SOS2: variants seen among roughly 807,000 people sequenced by gnomAD.
SOS2 encodes SOS Ras/Rho guanine nucleotide exchange factor 2.
In SOS2, 65 loss-of-function variants were observed where a neutral mutation model predicts 148.2. The ratio of observed to expected loss-of-function variants is 0.44; its 90% CI spans 0.36 to 0.54. The LOEUF (loss-of-function observed/expected upper bound fraction) is 0.54, where lower values mean the gene tolerates loss of function less well. Among genes scored for constraint, SOS2 ranks in the 20% least tolerant of loss-of-function variants. SOS2 has a pLI of 0.00. For missense variants in SOS2, 1,341 were observed against 1,590.2 expected, an observed-to-expected ratio of 0.84 and a Z score of 2.67; for synonymous variants, 539 against 537.1, an observed-to-expected ratio of 1.00 and a Z score of -0.05.
intron 8 of SOS2, among the ~76,000 whole-genome samples, chr14:50,162,898 T>C (rs1391564607): frequency 5.6e-5 from 2 of 35,552 alleles, no homozygotes; most frequent in Non-Finnish European, 1.6e-4. Context: ...AATGTTTTGA[T>C]TTTTTTTTTT....
intron 6 of SOS2, 40 bp from the exon 7 acceptor site, chr14:50,180,722 A>T (rs1885706231): frequency 8.6e-7 from 1 of 1,164,396 alleles, no homozygotes; most frequent in Admixed American, 2.1e-5. Context: ...GGTTTAAAAG[A>T]ATATATTTTC....
At chr14:50,215,869 T>C (rs1197789005) in intron 1 of SOS2, among the ~76,000 whole-genome samples, 1 of 152,254 alleles carries the variant, frequency 6.6e-6, no homozygotes, top group African/African-American at 2.4e-5. Flanking sequence ...TTTTCAGTTT[T>C]CCATCTTCAC....
intron 4 of SOS2, among the ~76,000 whole-genome samples, chr14:50,194,366 GA>G (rs1886249991): frequency 1.3e-5 from 2 of 151,410 alleles, no homozygotes; most frequent in Admixed American, 1.3e-4. Context: ...TAAAAGGCAG[GA>G]ATGAAGAAAA....
chr14:50,142,731 TTGTTTCC>T (rs1340097460), intron 16 of SOS2, among the ~76,000 whole-genome samples: 1 of 152,208 alleles, frequency 6.6e-6, no homozygotes, highest in African/African-American at 2.4e-5. Flanking sequence ...GACATTCAGG[TTGTTTCC>T]TGTTTTCTGC....
intron 19 of SOS2, among the ~76,000 whole-genome samples, chr14:50,133,034 A>C (rs557639361): frequency 3.9e-5 from 6 of 152,080 alleles, no homozygotes; most frequent in Non-Finnish European, 8.8e-5. Context: ...AATAATGTAA[A>C]AGAGACTGCA....
chr14:50,122,096 A>G (rs1039322492), intron 21 of SOS2, among the ~76,000 whole-genome samples: 1 of 152,186 alleles, frequency 6.6e-6, no homozygotes, highest in Non-Finnish European at 1.5e-5. Context: ...CAATCAGAGT[A>G]ATCCCATTCC....
chr14:50,127,093 T>G (rs1216720361), intron 21 of SOS2, among the ~76,000 whole-genome samples: 1 of 151,776 alleles, frequency 6.6e-6, no homozygotes, highest in East Asian at 1.9e-4. Flanking sequence ...AATGGCTACC[T>G]AGTTAGAGAC....
At chr14:50,164,401 T>C (rs1322166713) in intron 8 of SOS2, among the ~76,000 whole-genome samples, 2 of 151,710 alleles carry the variant, frequency 1.3e-5, no homozygotes, top group African/African-American at 4.8e-5. Context: ...GATTGTGCCA[T>C]TACACTCCAG....
At chr14:50,125,981 T>G (rs1418873787) in intron 21 of SOS2, among the ~76,000 whole-genome samples, 2 of 152,226 alleles carry the variant, frequency 1.3e-5, no homozygotes, top group African/African-American at 2.4e-5. Context: ...GCCTACAGAT[T>G]CTAACATTTG....
chr14:50,219,452 T>TA, intron 1 of SOS2, among the ~76,000 whole-genome samples: 1 of 152,288 alleles, frequency 6.6e-6, no homozygotes, highest in East Asian at 1.9e-4. Context: ...CTATCAGTAT[T>TA]AATATAAAAC....
intron 5 of SOS2, among the ~76,000 whole-genome samples, chr14:50,183,357 G>A (rs1183533786): frequency 2.0e-5 from 3 of 151,070 alleles, no homozygotes; most frequent in Non-Finnish European, 2.9e-5. Flanking sequence ...AGAGGTCAAC[G>A]TACTTTGGAA....
chr14:50,196,660 A>G (rs1161056486), intron 4 of SOS2, among the ~76,000 whole-genome samples: 1 of 152,250 alleles, frequency 6.6e-6, no homozygotes, highest in Non-Finnish European at 1.5e-5. Context: ...TTGAGGTAAT[A>G]AATGTTAATC....
chr14:50,231,098 C>T, intron 1 of SOS2, 99 bp downstream of exon 1: 1 of 695,556 alleles, frequency 1.4e-6, no homozygotes, highest in Non-Finnish European at 2.0e-6. Context: ...AACGGCTCGG[C>T]CCCGGGGACT....
At chr14:50,200,910 G>C in intron 3 of SOS2, 43 bp downstream of exon 3, 1 of 1,578,164 alleles carries the variant, frequency 6.3e-7, no homozygotes, top group Admixed American at 1.7e-5. Flanking sequence ...AATATTACTT[G>C]TTATAAAGAA....
intron 16 of SOS2, among the ~76,000 whole-genome samples, 178 bp downstream of exon 16, chr14:50,144,992 A>G (rs1289934173): frequency 2.0e-5 from 3 of 151,996 alleles, no homozygotes; most frequent in Non-Finnish European, 4.4e-5. Context: ...CATATTATAT[A>G]TCATATTCAT....
intron 1 of SOS2, among the ~76,000 whole-genome samples, chr14:50,221,857 G>C (rs1887213743): frequency 6.6e-6 from 1 of 151,758 alleles, no homozygotes; most frequent in Non-Finnish European, 1.5e-5. Flanking sequence ...TAATAATTCA[G>C]TTCAAAAGAC....
intron 18 of SOS2, among the ~76,000 whole-genome samples, chr14:50,137,514 T>C (rs2139545002): frequency 6.6e-6 from 1 of 152,338 alleles, no homozygotes; most frequent in East Asian, 1.9e-4. Context: ...AAGTACTTAG[T>C]AACAATATTA....
chr14:50,140,758 T>C (rs1328536147), intron 16 of SOS2, among the ~76,000 whole-genome samples: 2 of 152,154 alleles, frequency 1.3e-5, no homozygotes, highest in Non-Finnish European at 2.9e-5. Flanking sequence ...AATGTCACTA[T>C]TCACACAGAG....
chr14:50,204,308 C>G lies in SOS2; in HGVS notation c.189G>C (p.Gln63His), dbSNP rs771269309. 2 of 1,603,900 alleles carry G rather than the reference C, an allele frequency of 1.2e-6. No homozygotes were observed. Among genetic ancestry groups the G allele is most frequent in the Non-Finnish European group, 1.7e-6 (2 of 1,174,810 alleles). The change falls in exon 2 of 23, where the codon CAG becomes CAC. Residue 63 changes from glutamine (Q) to histidine (H), a missense_variant. Around this residue, in one of 4 missense-constraint regions of SOS2, gnomAD observed 574 missense variants for 711.1 expected, o/e 0.81. Transcript: ENST00000216373. ...CCTCTACATCTTGAACAGTCCTTGG[C>G]TGGGCCATGCATAATTTATTAAGCA... ...FQLLNKLCMA[Q>H]PRTVQDVEER...
Sources: gnomAD v4.1 joint callset for allele counts (sites outside exome capture counted in the v4.1 genomes callset) on GRCh38, gnomAD v4.1.1 for gene constraint, gnomAD v4.1.1 regional missense constraint, MANE v1.5 for transcripts, NCBI Gene and HGNC (gene_info 2026-07-23, HGNC 2026-07-21) for gene names.